ATF6: variants seen among roughly 807,000 people sequenced by gnomAD.
The protein encoded by ATF6 is activating transcription factor 6, also known as cyclic AMP-dependent transcription factor ATF-6 alpha.
ATF6 carries 53 observed loss-of-function variants against 83.6 expected under a neutral mutation model. The ratio of observed to expected loss-of-function variants is 0.63; its 90% CI spans 0.51 to 0.80. The LOEUF (loss-of-function observed/expected upper bound fraction) is 0.80, where lower values mean the gene tolerates loss of function less well. Ranked by LOEUF, ATF6 falls within the 30% of genes least tolerant of loss-of-function variation. The probability of loss-of-function intolerance (pLI) is 0.00; values close to 1 mark genes in which losing one functional copy is unlikely to be tolerated. For synonymous variants in ATF6, 288 were observed against 285.8 expected, an observed-to-expected ratio of 1.01 and a Z score of -0.08; for missense variants, 744 against 797.9, an observed-to-expected ratio of 0.93 and a Z score of 0.81.
intron 14 of ATF6, among the ~76,000 whole-genome samples, chr1:161,886,165 C>T (rs141502099): frequency 1.8e-4 from 27 of 152,082 alleles, no homozygotes. Flanking sequence ...AATATGTAAG[C>T]ACACAGGATG....
chr1:161,875,432 T>C (rs113561501), intron 14 of ATF6, among the ~76,000 whole-genome samples: 2,446 of 151,972 alleles, frequency 0.016, 68 homozygotes, highest in African/African-American at 0.056. Context: ...CACTGAGTTA[T>C]GCAGATCTTC....
chr1:161,867,037 G>A (rs1687018637), intron 14 of ATF6, among the ~76,000 whole-genome samples: 1 of 152,188 alleles, frequency 6.6e-6, no homozygotes, highest in Admixed American at 6.5e-5. Flanking sequence ...ACTCACGCCT[G>A]TAATCCCAGC....
At chr1:161,821,926 C>T (rs1160035798) in intron 9 of ATF6, among the ~76,000 whole-genome samples, 1 of 152,074 alleles carries the variant, frequency 6.6e-6, no homozygotes, top group Admixed American at 6.5e-5. Flanking sequence ...TAGGGTACCT[C>T]TCTGATGTAG....
chr1:161,796,019 AAAGG>A (rs1183602828), intron 6 of ATF6, among the ~76,000 whole-genome samples: 3 of 152,170 alleles, frequency 2.0e-5, no homozygotes, highest in Non-Finnish European at 4.4e-5. Flanking sequence ...TATGGGAAAA[AAAGG>A]AAGCAGCAGT....
intron 15 of ATF6, among the ~76,000 whole-genome samples, chr1:161,915,624 CTT>C (rs201891219): frequency 6.9e-6 from 1 of 145,790 alleles, no homozygotes; most frequent in African/African-American, 2.5e-5. Context: ...ATACAAATGT[CTT>C]TTTTTTTTTT....
intron 7 of ATF6, among the ~76,000 whole-genome samples, chr1:161,808,486 C>CTGCAACT (rs1685359992): frequency 6.6e-6 from 1 of 152,140 alleles, no homozygotes. Flanking sequence ...ACATGTCATC[C>CTGCAACT]TGCAACTTGC....
intron 4 of ATF6, among the ~76,000 whole-genome samples, chr1:161,790,757 G>A (rs1309563355): frequency 6.6e-6 from 1 of 152,050 alleles, no homozygotes; most frequent in Non-Finnish European, 1.5e-5. Context: ...GTTGCAGTGA[G>A]CTGAGATTGC....
rs561943105 is a variant in ATF6, at chr1:161,842,409, C to G, written c.1188-4040C>G. Among the ~76,000 whole-genome samples the G allele has an allele frequency of 7.9e-5, 12 of 152,308 alleles. No homozygotes were observed. In the East Asian group the frequency reaches 2.1e-3, roughly 27 times the overall value. ...GGTCGTTAAACAAAAAAGATATTTG[C>G]TCATGCATATTTATAGCAGCAAAAT... On this transcript the variant is annotated intron_variant, in intron 9 of 15. Coordinates refer to ENST00000367942, the MANE Select transcript of ATF6 (RefSeq NM_007348.4).
chr1:161,837,282 T>C (rs1027600081), intron 9 of ATF6, among the ~76,000 whole-genome samples: 3 of 152,238 alleles, frequency 2.0e-5, no homozygotes, highest in Admixed American at 6.5e-5. Context: ...CTTTTTTGTC[T>C]CCAGATTGAG....
chr1:161,909,460 A>G (rs1441050458), intron 14 of ATF6, among the ~76,000 whole-genome samples: 1 of 152,200 alleles, frequency 6.6e-6, no homozygotes, highest in African/African-American at 2.4e-5. Flanking sequence ...GCCCAACTAA[A>G]TATCACAAGT....
Position 161,817,944 on chromosome 1 carries a change from A to G in ATF6, c.910-1689A>G, listed in dbSNP as rs193185891. Reference sequence around the variant, plus strand: ...AACCCTGTCTCTACCAAAAATACACAAACAAAATTAGCCAGGCGTGGTGGT... The same window carrying G: ...AACCCTGTCTCTACCAAAAATACACGAACAAAATTAGCCAGGCGTGGTGGT... On this transcript the variant is annotated intron_variant, in intron 7 of 15. Transcript: ENST00000367942. Among the ~76,000 whole-genome samples, 373 of 151,956 alleles carry G rather than the reference A, an allele frequency of 2.5e-3. 2 individuals are homozygous for G. The highest frequency in any genetic ancestry group is 4.0e-3 in the Non-Finnish European group (272 of 67,934).
chr1:161,948,868 A>G (rs778966321), intron 15 of ATF6, among the ~76,000 whole-genome samples: 1 of 152,238 alleles, frequency 6.6e-6, no homozygotes, highest in Non-Finnish European at 1.5e-5. Context: ...GAATGTACTC[A>G]AATGTCTAGG....
chr1:161,786,065 T>C (rs1366058624), intron 4 of ATF6, among the ~76,000 whole-genome samples: 2 of 151,084 alleles, frequency 1.3e-5, no homozygotes, highest in African/African-American at 2.4e-5. Flanking sequence ...CTCCGCCTCC[T>C]GGCTTCAAGC....
At chr1:161,838,463 G>A (rs35621393) in intron 9 of ATF6, among the ~76,000 whole-genome samples, 4,153 of 152,318 alleles carry the variant, frequency 0.027, 91 homozygotes, top group East Asian at 0.12. Context: ...CCTCCGTGGA[G>A]TGTTAGCTGG....
intron 15 of ATF6, among the ~76,000 whole-genome samples, chr1:161,926,742 G>A (rs1688320004): frequency 6.6e-6 from 1 of 152,102 alleles, no homozygotes; most frequent in African/African-American, 2.4e-5. Context: ...GTCAAAGAAT[G>A]TAAAGAGTAA....
intron 6 of ATF6, among the ~76,000 whole-genome samples, chr1:161,793,578 C>T (rs1192846862): frequency 1.3e-5 from 2 of 152,146 alleles, no homozygotes; most frequent in East Asian, 3.8e-4. Flanking sequence ...CTGTGCCTTC[C>T]CAAAGGCTAA....
intron 9 of ATF6, among the ~76,000 whole-genome samples, chr1:161,826,322 A>T (rs7554727): frequency 1.3e-5 from 2 of 152,166 alleles, no homozygotes; most frequent in Non-Finnish European, 1.5e-5. Context: ...CAGACAAAAA[A>T]TTTTTAAAAA....
intron 14 of ATF6, among the ~76,000 whole-genome samples, chr1:161,867,944 C>A (rs1354566180): frequency 6.6e-6 from 1 of 152,136 alleles, no homozygotes; most frequent in East Asian, 1.9e-4. Context: ...TTAACACTGT[C>A]ATATATACGG....
chr1:161,958,662 C>T lies in ATF6; in HGVS notation c.*8C>T. On this transcript the variant is annotated 3_prime_UTR_variant, in exon 16 of 16. Transcript: ENST00000367942. Reference sequence around the variant, plus strand: ...CCTGAGTCATTACAATAGCACCCTGCAGCTATGCTGGAAAACTGAGCGTGG... The same window carrying T: ...CCTGAGTCATTACAATAGCACCCTGTAGCTATGCTGGAAAACTGAGCGTGG... The T allele has an allele frequency of 2.5e-6, 4 of 1,598,938 alleles. No homozygotes were observed. The highest frequency in any genetic ancestry group is 3.4e-6 in the Non-Finnish European group (4 of 1,172,066).
Sources: allele counts gnomAD v4.1 joint callset (sites outside exome capture counted in the v4.1 genomes callset), GRCh38; gene constraint gnomAD v4.1.1; transcripts MANE v1.5; gene names NCBI Gene and HGNC (gene_info 2026-07-23, HGNC 2026-07-21).